RBFOX3: variants seen among roughly 807,000 people sequenced by gnomAD.
The protein encoded by RBFOX3 is RNA binding protein fox-1 homolog 3.
Under a neutral mutation model 48.7 loss-of-function variants are expected in RBFOX3, and 17 were observed. That is an observed-to-expected ratio of 0.35 (90% CI 0.24 to 0.52). The LOEUF (loss-of-function observed/expected upper bound fraction) is 0.52, where lower values mean the gene tolerates loss of function less well. RBFOX3 is among the 20% of genes least tolerant of loss of function. The pLI is 0.94. For missense variants in RBFOX3, 382 were observed against 497.5 expected (o/e 0.77, Z 2.21); for synonymous variants, 212 against 209.5 (o/e 1.01, Z -0.10).
chr17:79,500,195 G>T (rs941713597), intron 1 of RBFOX3, among the ~76,000 whole-genome samples: 2 of 151,322 alleles, frequency 1.3e-5, no homozygotes, highest in African/African-American at 4.9e-5. Context: ...AGGGAGACCA[G>T]CCAGGGTCAG....
the RBFOX3 span, among the ~76,000 whole-genome samples, chr17:79,662,836 G>A: frequency 1.1e-4 from 16 of 152,166 alleles, no homozygotes; most frequent in Middle Eastern, 3.2e-3. Flanking sequence ...AGTGGCTGAG[G>A]AAACCAGGTA....
intron 2 of RBFOX3, among the ~76,000 whole-genome samples, chr17:79,388,711 G>T (rs2060922577): frequency 1.3e-5 from 2 of 152,166 alleles, no homozygotes; most frequent in Admixed American, 1.3e-4. Flanking sequence ...TTCCCGGCAA[G>T]GACACAGGTG....
intron 2 of RBFOX3, among the ~76,000 whole-genome samples, chr17:79,413,400 C>A (rs1015779829): frequency 3.3e-5 from 5 of 152,238 alleles, no homozygotes; most frequent in Non-Finnish European, 5.9e-5. Flanking sequence ...CAGAGGCTTT[C>A]TGAATTTCCA....
Position 79,320,515 on chromosome 17 carries a change from C to A in RBFOX3, c.-174-12691G>T, listed in dbSNP as rs141390849. ...AGGATCAGTGCTATTTTAAACACTT[C>A]CCAGCAGGGAAATCCGTATACCTGC... On this transcript the variant is annotated intron_variant, in intron 2 of 14. Transcript: ENST00000693108. Among the ~76,000 whole-genome samples, 577 of 152,328 alleles carry A rather than the reference C, an allele frequency of 3.8e-3. 4 individuals carry two copies. Among genetic ancestry groups the A allele is most frequent in the African/African-American group, 0.013 (547 of 41,582 alleles).
intron 2 of RBFOX3, among the ~76,000 whole-genome samples, chr17:79,420,627 G>T (rs1222564134): frequency 1.3e-5 from 2 of 152,242 alleles, no homozygotes; most frequent in Non-Finnish European, 2.9e-5. Flanking sequence ...AGGCCTAGGG[G>T]AGGGAAGTGC....
chr17:79,570,384 G>C (rs1467260774), intron 1 of RBFOX3, among the ~76,000 whole-genome samples: 5 of 151,930 alleles, frequency 3.3e-5, no homozygotes, highest in African/African-American at 9.7e-5. Flanking sequence ...ATGGATAATA[G>C]ATGGATGGTA....
At chr17:79,175,074 C>A (rs2050244400) in intron 4 of RBFOX3, among the ~76,000 whole-genome samples, 1 of 152,234 alleles carries the variant, frequency 6.6e-6, no homozygotes, top group African/African-American at 2.4e-5. Context: ...CCTGGCAAGT[C>A]TATCTGCCTC....
At chr17:79,516,411 C>G (rs1230556262) in intron 1 of RBFOX3, among the ~76,000 whole-genome samples, 1 of 152,244 alleles carries the variant, frequency 6.6e-6, no homozygotes, top group African/African-American at 2.4e-5. Context: ...ATACCCAGCT[C>G]CTGGGCAGAG....
intron 1 of RBFOX3, among the ~76,000 whole-genome samples, chr17:79,533,362 G>C (rs923516902): frequency 3.3e-5 from 5 of 152,274 alleles, no homozygotes; most frequent in Non-Finnish European, 7.3e-5. Context: ...CGGCAGAACA[G>C]AGGAATAGTG....
At chr17:79,248,523 C>T (rs1403573718) in intron 3 of RBFOX3, among the ~76,000 whole-genome samples, 4 of 152,210 alleles carry the variant, frequency 2.6e-5, no homozygotes, top group African/African-American at 9.6e-5. Flanking sequence ...ATGAATGCAA[C>T]GTCATTTCCA....
At chr17:79,155,065 G>A (rs968397663) in intron 4 of RBFOX3, among the ~76,000 whole-genome samples, 5 of 152,230 alleles carry the variant, frequency 3.3e-5, no homozygotes, top group Non-Finnish European at 2.9e-5. Context: ...CGTGAATGGC[G>A]GCCTCCCTGC....
At position 79,294,948 on chromosome 17, in the gene RBFOX3, C is replaced by T. The variant is rs183836876; in HGVS notation, c.-74+12776G>A. ...TTTGTCCATAAGAGGAAGAGATTCTCTTTTGGGGGTGGGTGAGACCTTGTT... is the reference window on the plus strand; with the variant it reads ...TTTGTCCATAAGAGGAAGAGATTCTTTTTTGGGGGTGGGTGAGACCTTGTT... On this transcript the variant is annotated intron_variant, in intron 3 of 14. Coordinates refer to ENST00000693108, the MANE Select transcript of RBFOX3 (RefSeq NM_001350451.2). Among the ~76,000 whole-genome samples the T allele has an allele frequency of 2.4e-3, 369 of 152,296 alleles. 1 individual carries two copies. The highest frequency in any genetic ancestry group is 0.01 in the Middle Eastern group (3 of 294).
chr17:79,664,571 C>T, the RBFOX3 span, among the ~76,000 whole-genome samples: 2 of 152,180 alleles, frequency 1.3e-5, no homozygotes, highest in Non-Finnish European at 2.9e-5. Flanking sequence ...TGGTCTCGAA[C>T]TCCTGACCTC....
chr17:79,389,275 TG>T (rs1189074288), intron 2 of RBFOX3, among the ~76,000 whole-genome samples: 1 of 152,194 alleles, frequency 6.6e-6, no homozygotes, highest in Admixed American at 6.5e-5. Context: ...TATGGAGGAC[TG>T]GGGGTAGAAA....
At chr17:79,298,942 G>C (rs1600494943) in intron 3 of RBFOX3, among the ~76,000 whole-genome samples, 1 of 152,314 alleles carries the variant, frequency 6.6e-6, no homozygotes, top group East Asian at 1.9e-4. Context: ...CTGGTGGCAC[G>C]ATCCATCAGG....
At chr17:79,351,372 T>C (rs1272139417) in intron 2 of RBFOX3, among the ~76,000 whole-genome samples, 3 of 152,224 alleles carry the variant, frequency 2.0e-5, no homozygotes, top group African/African-American at 7.2e-5. Context: ...TACATTCCTA[T>C]CTGCAAGGAG....
intron 1 of RBFOX3, among the ~76,000 whole-genome samples, chr17:79,570,964 G>T (rs2092656738): frequency 6.6e-6 from 1 of 152,180 alleles, no homozygotes; most frequent in Non-Finnish European, 1.5e-5. Flanking sequence ...ATGAGGGGGG[G>T]CCCCCGGGAG....
chr17:79,523,288 G>A (rs1260465073), intron 1 of RBFOX3, among the ~76,000 whole-genome samples: 14 of 152,240 alleles, frequency 9.2e-5, no homozygotes, highest in Admixed American at 7.9e-4. Context: ...CGGTTACGAC[G>A]GCAAATTTTA....
At chr17:79,514,908 G>A (rs1224706156) in intron 1 of RBFOX3, among the ~76,000 whole-genome samples, 1 of 152,212 alleles carries the variant, frequency 6.6e-6, no homozygotes, top group Non-Finnish European at 1.5e-5. Flanking sequence ...GACAGGATGG[G>A]GAGCTTTCCA....
Sources: allele counts gnomAD v4.1 joint callset (sites outside exome capture counted in the v4.1 genomes callset), GRCh38; gene constraint gnomAD v4.1.1; transcripts MANE v1.5; gene names NCBI Gene and HGNC (gene_info 2026-07-23, HGNC 2026-07-21).